The following OR51B5 variants were observed in gnomAD, a reference collection of about 807,000 sequenced individuals.
OR51B5 encodes olfactory receptor 51B5.
For synonymous variants in OR51B5, 186 were observed against 144.8 expected (o/e 1.28, Z -2.04); for missense variants, 456 against 374.6 (o/e 1.22, Z -1.79).
intron 1 of OR51B5, chr11:5,488,610 G>A: frequency 1.0e-6 from 1 of 962,150 alleles, no homozygotes; most frequent in Non-Finnish European, 1.6e-6. Context: ...TTATTTCACA[G>A]AAAGATCTTT....
chr11:5,344,709 C>G (rs1237414974), upstream of OR51B5, among the ~76,000 whole-genome samples: 1 of 152,152 alleles, frequency 6.6e-6, no homozygotes, highest in Non-Finnish European at 1.5e-5. Context: ...TGTGAACACG[C>G]ATCATGTGAC....
At chr11:5,488,021 G>T (rs1236213493) in intron 1 of OR51B5, among the ~76,000 whole-genome samples, 1 of 150,086 alleles carries the variant, frequency 6.7e-6, no homozygotes, top group East Asian at 1.9e-4. Context: ...CAGAAAAAAA[G>T]TTAATGCATC....
At chr11:5,454,497 C>T (rs1850922906) in intron 1 of OR51B5, 2 of 1,233,844 alleles carry the variant, frequency 1.6e-6, no homozygotes, top group Admixed American at 3.9e-5. Context: ...TCATCATCAT[C>T]ATCAAAGTAT....
chr11:5,361,747 AGT>A (rs10557761), intron 1 of OR51B5, among the ~76,000 whole-genome samples: 56,991 of 151,850 alleles, frequency 0.38, 10,923 homozygotes, highest in Non-Finnish European at 0.41. Context: ...TCCCTAGCAG[AGT>A]GATCTAGTTA....
At position 5,482,589 on chromosome 11, in the gene OR51B5, A is replaced by G. The variant is rs1000813970; in HGVS notation, n.84+22980T>C. Among the ~76,000 whole-genome samples, 183 of 121,858 alleles carry G rather than the reference A, an allele frequency of 1.5e-3. 15 individuals are homozygous for G. In the East Asian group the frequency reaches 0.052, roughly 34 times the overall value. 79.9% of individuals were successfully genotyped at this position (121,858 alleles called of 152,430 possible). ...CAGACAACCTACAAAATGGGAGAAA[A>G]TTTTCACAACCTACTCATCTGACAA... On this transcript the variant is annotated intron_variant and non_coding_transcript_variant, in intron 1 of 4. Coordinates refer to the OR51B5 transcript ENST00000415970.
chr11:5,503,836 T>C (rs1846333279), intron 1 of OR51B5, among the ~76,000 whole-genome samples: 1 of 152,154 alleles, frequency 6.6e-6, no homozygotes. Context: ...GGGGTAAGGA[T>C]TAAAGCATAA....
At chr11:5,495,028 A>T (rs1367972595) in intron 1 of OR51B5, among the ~76,000 whole-genome samples, 1 of 152,176 alleles carries the variant, frequency 6.6e-6, no homozygotes, top group Non-Finnish European at 1.5e-5. Context: ...AATGAAGTAG[A>T]AGTTTCCAGC....
intron 1 of OR51B5, among the ~76,000 whole-genome samples, chr11:5,358,345 T>A (rs1006007416): frequency 1.3e-5 from 2 of 151,718 alleles, no homozygotes; most frequent in African/African-American, 4.8e-5. Context: ...CAAACCACCA[T>A]CAGAGAATAC....
intron 1 of OR51B5, among the ~76,000 whole-genome samples, chr11:5,472,354 G>A (rs144927434): frequency 8.5e-5 from 13 of 152,286 alleles, no homozygotes; most frequent in African/African-American, 2.2e-4. Flanking sequence ...GGGCCTCTGT[G>A]GGGGAAGAGA....
At chr11:5,383,373 G>A (rs549376223) in intron 1 of OR51B5, among the ~76,000 whole-genome samples, 1 of 152,186 alleles carries the variant, frequency 6.6e-6, no homozygotes, top group East Asian at 1.9e-4. Context: ...ACAGGAAAAT[G>A]AGTGCAGGAG....
chr11:5,417,485 C>G (rs1326822338), intron 1 of OR51B5, among the ~76,000 whole-genome samples: 1 of 151,146 alleles, frequency 6.6e-6, no homozygotes, highest in Non-Finnish European at 1.5e-5. Context: ...TCAGAGTGAA[C>G]AGGCAACCCA....
chr11:5,490,632 T>C lies in OR51B5; in HGVS notation n.84+14937A>G, dbSNP rs116455465. On this transcript the variant is annotated intron_variant and non_coding_transcript_variant, in intron 1 of 4. Coordinates refer to the OR51B5 transcript ENST00000415970. ...AACTGTTCAAAGAGATGATTGTTGTTATTTGCATTATAAATTAAAAGCCTG... is the reference window on the plus strand; with the variant it reads ...AACTGTTCAAAGAGATGATTGTTGTCATTTGCATTATAAATTAAAAGCCTG... 4.0e-3 allele frequency among the ~76,000 whole-genome samples: 606 copies of C among 152,310 alleles called. 4 individuals are homozygous for C. Among genetic ancestry groups the C allele is most frequent in the African/African-American group, 0.014 (578 of 41,588 alleles).
At chr11:5,405,176 A>C (rs931618906) in intron 1 of OR51B5, among the ~76,000 whole-genome samples, 1 of 152,228 alleles carries the variant, frequency 6.6e-6, no homozygotes. Flanking sequence ...CATAAAATAT[A>C]TACTAAGAAC....
intron 1 of OR51B5, chr11:5,453,689 C>T (rs1417638166): frequency 5.6e-6 from 9 of 1,613,674 alleles, no homozygotes; most frequent in Non-Finnish European, 5.9e-6. Context: ...CCATGTTGTC[C>T]TTCAGTGATG....
intron 1 of OR51B5, among the ~76,000 whole-genome samples, chr11:5,444,696 T>G (rs944222813): frequency 6.6e-6 from 1 of 152,178 alleles, no homozygotes; most frequent in Non-Finnish European, 1.5e-5. Context: ...CTAAGACTTA[T>G]AAATTTATGA....
At chr11:5,401,283 G>T (rs938187963) in intron 1 of OR51B5, among the ~76,000 whole-genome samples, 1 of 152,212 alleles carries the variant, frequency 6.6e-6, no homozygotes, top group Non-Finnish European at 1.5e-5. Flanking sequence ...GTTTCTTTGA[G>T]AACTGTTGAG....
At chr11:5,453,913 C>A (rs763500716) in intron 1 of OR51B5, 1 of 1,614,214 alleles carries the variant, frequency 6.2e-7, no homozygotes, top group South Asian at 1.1e-5. Context: ...GAAGTCATTG[C>A]TGCAATGGGT....
At chr11:5,360,031 C>G (rs1474999313) in intron 1 of OR51B5, among the ~76,000 whole-genome samples, 1 of 152,074 alleles carries the variant, frequency 6.6e-6, no homozygotes, top group African/African-American at 2.4e-5. Context: ...GACTGAAAAC[C>G]ATAAAAACTC....
chr11:5,440,815 C>A, intron 1 of OR51B5: 1 of 1,613,834 alleles, frequency 6.2e-7, no homozygotes, highest in Non-Finnish European at 8.5e-7. Context: ...AGCCGCTGTT[C>A]CTGGGATATG....
Sources: gnomAD v4.1 joint callset for allele counts (sites outside exome capture counted in the v4.1 genomes callset) on GRCh38, gnomAD v4.1.1 for gene constraint, MANE v1.5 for transcripts, NCBI Gene and HGNC (gene_info 2026-07-23, HGNC 2026-07-21) for gene names.